Variants in RARB observed in about 807,000 individuals in gnomAD.
RARB encodes the protein retinoic acid receptor beta.
In RARB, 17 loss-of-function variants were observed where a neutral mutation model predicts 51.9. The ratio of observed to expected loss-of-function variants is 0.33; its 90% CI spans 0.22 to 0.49. The LOEUF (loss-of-function observed/expected upper bound fraction) is 0.49. Among genes scored for constraint, RARB ranks in the 20% least tolerant of loss-of-function variants. The pLI, the probability that RARB is intolerant of heterozygous loss-of-function variation, is 0.99. For missense variants in RARB, 369 were observed against 550.8 expected (o/e 0.67, Z 3.30); for synonymous variants, 215 against 195.4 (o/e 1.10, Z -0.84).
intron 2 of RARB, among the ~76,000 whole-genome samples, chr3:25,024,158 T>G (rs873391): frequency 2.6e-5 from 4 of 152,004 alleles, no homozygotes; most frequent in Non-Finnish European, 5.9e-5. Context: ...GAAAATTAGG[T>G]TAATTAAAAC....
chr3:24,901,482 C>T (rs1030319566), intron 2 of RARB, among the ~76,000 whole-genome samples: 1 of 152,296 alleles, frequency 6.6e-6, no homozygotes, highest in African/African-American at 2.4e-5. Flanking sequence ...CTCAAGTGAT[C>T]CTCCTGCCTC....
intron 2 of RARB, among the ~76,000 whole-genome samples, chr3:25,048,808 T>A (rs13060459): frequency 0.69 from 99,648 of 144,530 alleles, 34,605 homozygotes; most frequent in Non-Finnish European, 0.73. Flanking sequence ...CAGGCTGGAG[T>A]GCAGTGGCGC....
intron 1 of RARB, among the ~76,000 whole-genome samples, chr3:25,455,414 C>T (rs895770125): frequency 1.3e-5 from 2 of 152,188 alleles, no homozygotes; most frequent in Non-Finnish European, 2.9e-5. Flanking sequence ...CTCAAGAATT[C>T]CCCTGCTGCA....
At chr3:25,186,190 G>A (rs187916082) in intron 5 of RARB, among the ~76,000 whole-genome samples, 3 of 151,992 alleles carry the variant, frequency 2.0e-5, no homozygotes, top group East Asian at 3.9e-4. Flanking sequence ...AAGAAATTCA[G>A]ATATCCCATA....
chr3:25,206,084 C>A (rs1417407959), intron 5 of RARB, among the ~76,000 whole-genome samples: 2 of 152,156 alleles, frequency 1.3e-5, no homozygotes, highest in Non-Finnish European at 2.9e-5. Flanking sequence ...TTTCAACTTA[C>A]AATGGGTTTT....
chr3:24,924,559 T>C (rs1446339253), intron 2 of RARB, among the ~76,000 whole-genome samples: 2 of 152,214 alleles, frequency 1.3e-5, no homozygotes, highest in Non-Finnish European at 2.9e-5. Flanking sequence ...TGAGTGTGAC[T>C]AATAGATATC....
At chr3:25,538,071 A>C (rs950492178) in intron 3 of RARB, among the ~76,000 whole-genome samples, 2 of 152,222 alleles carry the variant, frequency 1.3e-5, no homozygotes, top group African/African-American at 4.8e-5. Flanking sequence ...TAAAATCAAC[A>C]ATGAAACTTT....
intron 5 of RARB, among the ~76,000 whole-genome samples, chr3:25,189,652 T>C (rs1701051518): frequency 6.6e-6 from 1 of 152,038 alleles, no homozygotes; most frequent in Non-Finnish European, 1.5e-5. Flanking sequence ...TTTGAGAAGC[T>C]GAGGTGGGTG....
At chr3:25,479,978 G>A (rs1249705199) in intron 2 of RARB, among the ~76,000 whole-genome samples, 1 of 152,084 alleles carries the variant, frequency 6.6e-6, no homozygotes, top group East Asian at 1.9e-4. Context: ...TAAAAAACTT[G>A]GTTATATTTG....
intron 2 of RARB, among the ~76,000 whole-genome samples, chr3:24,902,129 G>T (rs1703621993): frequency 6.6e-6 from 1 of 152,084 alleles, no homozygotes; most frequent in Non-Finnish European, 1.5e-5. Context: ...TATTATCTCT[G>T]TTTTAAAGAT....
At chr3:25,321,396 T>C (rs1704564273) in intron 5 of RARB, among the ~76,000 whole-genome samples, 1 of 152,018 alleles carries the variant, frequency 6.6e-6, no homozygotes, top group Non-Finnish European at 1.5e-5. Flanking sequence ...AGAGGAAAAT[T>C]TAACAGAGAT....
intron 5 of RARB, among the ~76,000 whole-genome samples, chr3:25,344,923 C>T (rs954224001): frequency 6.7e-6 from 1 of 150,120 alleles, no homozygotes; most frequent in Admixed American, 6.7e-5. Flanking sequence ...TTCTCATGCA[C>T]GGTCTCTGAA....
chr3:25,302,169 A>T (rs758142448), intron 5 of RARB, among the ~76,000 whole-genome samples: 45 of 152,228 alleles, frequency 3.0e-4, no homozygotes, highest in Non-Finnish European at 5.9e-4. Context: ...AGCCTCCTAC[A>T]TTGCTAGTGA....
At chr3:25,496,319 C>T (rs188146513) in intron 2 of RARB, among the ~76,000 whole-genome samples, 12 of 152,300 alleles carry the variant, frequency 7.9e-5, no homozygotes, top group East Asian at 5.8e-4. Context: ...TTTGCCTGAC[C>T]GTTGCCTTGG....
chr3:25,068,050 C>T (rs922108324), intron 3 of RARB, among the ~76,000 whole-genome samples: 19 of 136,540 alleles, frequency 1.4e-4, no homozygotes, highest in African/African-American at 4.6e-4. Context: ...ATGAGAACCA[C>T]TTGAACCCAG....
At chr3:25,034,536 T>C (rs1216002278) in intron 2 of RARB, among the ~76,000 whole-genome samples, 1 of 152,232 alleles carries the variant, frequency 6.6e-6, no homozygotes, top group African/African-American at 2.4e-5. Context: ...TAGCTCAGTG[T>C]TACAAAAGTA....
chr3:24,938,180 C>A (rs73820324), intron 2 of RARB, among the ~76,000 whole-genome samples: 85 of 152,180 alleles, frequency 5.6e-4, no homozygotes, highest in African/African-American at 2.0e-3. Flanking sequence ...GGTAAGGTAG[C>A]CTTTCAGGTG....
chr3:24,835,307 G>T (rs1702330326), intron 1 of RARB, among the ~76,000 whole-genome samples: 1 of 152,182 alleles, frequency 6.6e-6, no homozygotes, highest in African/African-American at 2.4e-5. Flanking sequence ...ATGCTACCAT[G>T]CTCTAGAATG....
chr3:25,482,664 C>T (rs1378610978), intron 2 of RARB, among the ~76,000 whole-genome samples: 1 of 150,770 alleles, frequency 6.6e-6, no homozygotes, highest in African/African-American at 2.4e-5. Flanking sequence ...CTCAGCCTCC[C>T]GAGTAGCTGG....
Sources: allele counts gnomAD v4.1 joint callset (sites outside exome capture counted in the v4.1 genomes callset), GRCh38; gene constraint gnomAD v4.1.1; transcripts MANE v1.5; gene names NCBI Gene and HGNC (gene_info 2026-07-23, HGNC 2026-07-21).